The following PRKCB variants were observed in gnomAD, a reference collection of about 807,000 sequenced individuals.
PRKCB encodes the protein protein kinase C beta.
A neutral mutation model predicts 81.5 loss-of-function variants in PRKCB; 13 were observed. That is an observed-to-expected ratio of 0.16 (90% CI 0.10 to 0.25). The LOEUF is 0.25. Ranked by LOEUF, PRKCB falls within the 10% of genes least tolerant of loss-of-function variation. The probability of loss-of-function intolerance (pLI) is 1.00; values close to 1 mark genes in which losing one functional copy is unlikely to be tolerated. For synonymous variants in PRKCB, 335 were observed against 321.4 expected (o/e 1.04, Z -0.45); for missense variants, 509 against 875.7 (o/e 0.58, Z 5.29).
chr16:23,949,256 C>T (rs991529591), intron 2 of PRKCB, among the ~76,000 whole-genome samples: 11 of 152,160 alleles, frequency 7.2e-5, no homozygotes, highest in Admixed American at 6.5e-4. Context: ...AAAGAAAGAA[C>T]GAATGAAAGA....
chr16:24,034,533 T>A (rs1015163838), intron 4 of PRKCB, among the ~76,000 whole-genome samples: 1 of 152,266 alleles, frequency 6.6e-6, no homozygotes. Flanking sequence ...AGGGAGTGGA[T>A]ATCCTATAAC....
chr16:23,936,981 G>A (rs1343638547), intron 2 of PRKCB, among the ~76,000 whole-genome samples: 2 of 152,212 alleles, frequency 1.3e-5, no homozygotes, highest in Non-Finnish European at 2.9e-5. Context: ...CCAGTTTGCT[G>A]TAGCAGGCAG....
At chr16:24,064,945 C>A (rs1261303721) in intron 5 of PRKCB, among the ~76,000 whole-genome samples, 1 of 147,336 alleles carries the variant, frequency 6.8e-6, no homozygotes, top group Non-Finnish European at 1.5e-5. Context: ...TATATATAGA[C>A]CGAATATATG....
chr16:23,922,976 A>G (rs1445790725), intron 2 of PRKCB, among the ~76,000 whole-genome samples: 1 of 152,060 alleles, frequency 6.6e-6, no homozygotes, highest in Non-Finnish European at 1.5e-5. Flanking sequence ...CTTTAGAGTT[A>G]CCTTTTTTTC....
At chr16:24,208,398 GAA>G (rs1968081016) in intron 16 of PRKCB, 1 of 152,170 alleles carries the variant, frequency 6.6e-6, no homozygotes, top group African/African-American at 2.4e-5. Context: ...AAGAGAAAAA[GAA>G]AAAGAGCTTA....
chr16:24,167,327 G>C (rs1272329888), intron 10 of PRKCB, among the ~76,000 whole-genome samples: 1 of 151,964 alleles, frequency 6.6e-6, no homozygotes, highest in Admixed American at 6.6e-5. Context: ...AAGCAGTATT[G>C]GTCTGAGAAA....
At chr16:23,949,516 T>C (rs1187704417) in intron 2 of PRKCB, among the ~76,000 whole-genome samples, 1 of 152,228 alleles carries the variant, frequency 6.6e-6, no homozygotes, top group African/African-American at 2.4e-5. Flanking sequence ...TCTGCCCCTC[T>C]TTTTTCTCTA....
intron 2 of PRKCB, among the ~76,000 whole-genome samples, chr16:23,933,299 TA>T (rs1297821323): frequency 2.0e-5 from 3 of 152,186 alleles, no homozygotes; most frequent in Non-Finnish European, 4.4e-5. Flanking sequence ...CCTAGATTTG[TA>T]GCAACACTGA....
intron 15 of PRKCB, among the ~76,000 whole-genome samples, chr16:24,186,795 C>G (rs1465171196): frequency 2.6e-5 from 4 of 152,380 alleles, no homozygotes; most frequent in South Asian, 4.1e-4. Context: ...TAAATTCCCA[C>G]TCTCAATGAA....
chr16:24,071,674 A>T (rs1966109979), intron 5 of PRKCB, among the ~76,000 whole-genome samples: 1 of 152,014 alleles, frequency 6.6e-6, no homozygotes, highest in Non-Finnish European at 1.5e-5. Flanking sequence ...TCTGGGCAGT[A>T]GCTGTGGGAT....
chr16:23,959,167 C>T (rs1964390754), intron 2 of PRKCB, among the ~76,000 whole-genome samples: 1 of 152,182 alleles, frequency 6.6e-6, no homozygotes, highest in Non-Finnish European at 1.5e-5. Flanking sequence ...TTAGATACAT[C>T]CCTTACCCCC....
chr16:24,014,351 C>A (rs1430773229), intron 3 of PRKCB, among the ~76,000 whole-genome samples: 1 of 152,002 alleles, frequency 6.6e-6, no homozygotes, highest in Non-Finnish European at 1.5e-5. Context: ...GATCCGTTGC[C>A]ATGTGACTAT....
chr16:23,884,486 CT>C (rs1567302016), intron 2 of PRKCB, among the ~76,000 whole-genome samples: 2 of 152,258 alleles, frequency 1.3e-5, no homozygotes, highest in Non-Finnish European at 2.9e-5. Flanking sequence ...CCCTTATGGG[CT>C]TCCTGTTTGA....
At chr16:24,154,924 T>A (rs956137812) in intron 10 of PRKCB, 67 bp downstream of exon 10, 97 of 1,529,840 alleles carry the variant, frequency 6.3e-5, no homozygotes, top group Non-Finnish European at 8.3e-5. Context: ...CAAAGCTATC[T>A]TAGCAGCACC....
At chr16:23,991,966 G>A (rs888483251) in intron 3 of PRKCB, among the ~76,000 whole-genome samples, 2 of 152,182 alleles carry the variant, frequency 1.3e-5, no homozygotes, top group Admixed American at 6.5e-5. Context: ...AAGGTATGGT[G>A]TTAGAAGGTG....
Position 23,982,095 on chromosome 16 carries a change from CT to C in PRKCB, c.206-6409del, listed in dbSNP as rs200942636. On this transcript the variant is annotated intron_variant, in intron 2 of 16. Coordinates refer to ENST00000643927, the MANE Select transcript of PRKCB (RefSeq NM_002738.7). ...TTCCCTTCCCTTTCCCTTCCCTTTCCTTTTCCCTTCCCTTCCCTTTCCCTTC... is the reference window on the plus strand; with the variant it reads ...TTCCCTTCCCTTTCCCTTCCCTTTCCTTTCCCTTCCCTTCCCTTTCCCTTC... 5.2e-3 allele frequency among the ~76,000 whole-genome samples: 363 copies of C among 69,684 alleles called. 14 individuals carry two copies. The highest frequency in any genetic ancestry group is 0.023 in the African/African-American group (343 of 14,680). 45.7% of individuals were successfully genotyped at this position (69,684 alleles called of 152,430 possible).
chr16:23,841,455 A>T (rs540817391), intron 2 of PRKCB, among the ~76,000 whole-genome samples: 1 of 151,964 alleles, frequency 6.6e-6, no homozygotes, highest in African/African-American at 2.4e-5. Context: ...CTCTAAGAAG[A>T]TTTTTGGTAG....
chr16:23,876,616 G>GT (rs1963018214), intron 2 of PRKCB, among the ~76,000 whole-genome samples: 1 of 151,734 alleles, frequency 6.6e-6, no homozygotes, highest in Non-Finnish European at 1.5e-5. Context: ...ACCTCTCTGC[G>GT]TTTCTCTTTC....
chr16:24,031,347 C>T (rs1295778605), intron 3 of PRKCB, among the ~76,000 whole-genome samples: 2 of 152,152 alleles, frequency 1.3e-5, no homozygotes, highest in East Asian at 3.9e-4. Context: ...ACATATGGCT[C>T]CAAGTTTGGG....
Sources: gnomAD v4.1 joint callset for allele counts (sites outside exome capture counted in the v4.1 genomes callset) on GRCh38, gnomAD v4.1.1 for gene constraint, MANE v1.5 for transcripts, NCBI Gene and HGNC (gene_info 2026-07-23, HGNC 2026-07-21) for gene names.